The following NIPBL variants were observed in gnomAD, a reference collection of about 807,000 sequenced individuals.
NIPBL encodes NIPBL cohesin loading factor.
A neutral mutation model predicts 321.8 loss-of-function variants in NIPBL; 19 were observed. The observed-to-expected ratio is 0.06, with a 90% CI of 0.04 to 0.09. NIPBL has a LOEUF of 0.09. NIPBL is among the 10% of genes least tolerant of loss of function. NIPBL has a pLI of 1.00. For missense variants in NIPBL, 2,210 were observed against 3,327.0 expected, an observed-to-expected ratio of 0.66 and a Z score of 8.26; for synonymous variants, 1,106 against 1,114.1, an observed-to-expected ratio of 0.99 and a Z score of 0.14.
chr5:36,989,839 C>CAAAA (rs374278669), intron 10 of NIPBL, among the ~76,000 whole-genome samples: 1 of 73,448 alleles, frequency 1.4e-5, no homozygotes, highest in Non-Finnish European at 2.6e-5. Context: ...ACTCTGTCTC[C>CAAAA]AAAAAAAAAA....
At chr5:37,064,158 A>G in intron 46 of NIPBL, 180 bp downstream of exon 46, 1 of 1,424,764 alleles carries the variant, frequency 7.0e-7, no homozygotes, top group Middle Eastern at 2.6e-4. Flanking sequence ...AAAGTTTAAC[A>G]TAAAAGACAA....
intron 4 of NIPBL, among the ~76,000 whole-genome samples, chr5:36,960,937 G>T (rs980533763): frequency 1.3e-5 from 2 of 152,106 alleles, no homozygotes; most frequent in African/African-American, 4.8e-5. Context: ...GTGAAAGAAG[G>T]AATAGGTACA....
At chr5:36,877,393 C>G (rs1376659578) in intron 1 of NIPBL, among the ~76,000 whole-genome samples, 2 of 152,144 alleles carry the variant, frequency 1.3e-5, no homozygotes, top group Non-Finnish European at 2.9e-5. Context: ...GGGGACTGGG[C>G]TCCTGCTGGG....
At chr5:37,013,496 C>T (rs1271872168) in intron 21 of NIPBL, among the ~76,000 whole-genome samples, 6 of 149,558 alleles carry the variant, frequency 4.0e-5, no homozygotes, top group Admixed American at 6.6e-5. Context: ...TCAGACGGGG[C>T]GGTTGCCAGG....
chr5:36,933,462 A>G (rs1749932667), intron 1 of NIPBL, among the ~76,000 whole-genome samples: 1 of 152,136 alleles, frequency 6.6e-6, no homozygotes. Context: ...CTGATGAGAT[A>G]TAGTTCTAGA....
chr5:36,926,989 A>G (rs1749413953), intron 1 of NIPBL, among the ~76,000 whole-genome samples: 1 of 152,202 alleles, frequency 6.6e-6, no homozygotes, highest in African/African-American at 2.4e-5. Flanking sequence ...CTGAACCAAA[A>G]TGTTTATTGG....
intron 42 of NIPBL, among the ~76,000 whole-genome samples, chr5:37,055,043 G>A (rs1359668496): frequency 3.9e-5 from 6 of 152,124 alleles, no homozygotes; most frequent in African/African-American, 1.2e-4. Flanking sequence ...ATAACAGTAG[G>A]GGAGAAAAAG....
rs200029810 is a variant in NIPBL at position 36,920,346 on chromosome 5, G to C, written c.-79-33272G>C. On this transcript the variant is annotated intron_variant, in intron 1 of 46. Coordinates refer to ENST00000282516, the MANE Select transcript of NIPBL (RefSeq NM_133433.4). Reference sequence around the variant, plus strand: ...AACATAAAGTAAATAATAGTACACTGATGATATTCAGATATGGTGAAATCA... The same window carrying C: ...AACATAAAGTAAATAATAGTACACTCATGATATTCAGATATGGTGAAATCA... Among the ~76,000 whole-genome samples, 16 of 152,274 alleles carry C rather than the reference G, an allele frequency of 1.1e-4. No individual in the cohort carries two copies. In the East Asian group the frequency reaches 3.1e-3, roughly 29 times the overall value.
At chr5:37,044,510 C>G in intron 35 of NIPBL, 23 bp downstream of exon 35, 1 of 1,610,938 alleles carries the variant, frequency 6.2e-7, no homozygotes, top group Non-Finnish European at 8.5e-7. Context: ...TTTACCATTT[C>G]TTTATTCATT....
chr5:37,061,765 A>G (rs993318214), intron 45 of NIPBL, among the ~76,000 whole-genome samples: 1 of 152,218 alleles, frequency 6.6e-6, no homozygotes, highest in African/African-American at 2.4e-5. Flanking sequence ...GATTACTTAT[A>G]ATACCTAATA....
At chr5:36,997,745 A>G (rs1026446286) in intron 11 of NIPBL, among the ~76,000 whole-genome samples, 1 of 152,214 alleles carries the variant, frequency 6.6e-6, no homozygotes, top group South Asian at 2.1e-4. Flanking sequence ...GAATGGTGAA[A>G]GAAGTCCAAA....
At chr5:36,890,208 TC>T (rs1296482450) in intron 1 of NIPBL, among the ~76,000 whole-genome samples, 2 of 152,158 alleles carry the variant, frequency 1.3e-5, no homozygotes, top group African/African-American at 4.8e-5. Flanking sequence ...TTACTTTTTT[TC>T]TATATAAATA....
At chr5:36,879,036 T>A (rs543457300) in intron 1 of NIPBL, among the ~76,000 whole-genome samples, 1 of 152,150 alleles carries the variant, frequency 6.6e-6, no homozygotes, top group African/African-American at 2.4e-5. Context: ...ATACTTCACA[T>A]CTTAAGAAAG....
intron 3 of NIPBL, among the ~76,000 whole-genome samples, chr5:36,955,995 G>A (rs1348502908): frequency 6.6e-6 from 1 of 151,380 alleles, no homozygotes; most frequent in Non-Finnish European, 1.5e-5. Context: ...GCCGAGGCAG[G>A]TGGATCACGA....
intron 32 of NIPBL, among the ~76,000 whole-genome samples, chr5:37,035,086 T>C (rs1005786814): frequency 1.3e-5 from 2 of 152,164 alleles, no homozygotes; most frequent in African/African-American, 4.8e-5. Flanking sequence ...GCCCAAGAGT[T>C]TGAGACCAGC....
At chr5:37,048,348 T>G (rs574798461) in intron 38 of NIPBL, among the ~76,000 whole-genome samples, 154 bp from the exon 39 acceptor site, 1 of 152,330 alleles carries the variant, frequency 6.6e-6, no homozygotes, top group East Asian at 1.9e-4. Context: ...CTCTAATGCT[T>G]CTCTAGGTAA....
At chr5:36,886,797 A>G (rs1406636890) in intron 1 of NIPBL, among the ~76,000 whole-genome samples, 1 of 151,500 alleles carries the variant, frequency 6.6e-6, no homozygotes, top group African/African-American at 2.4e-5. Context: ...CTGCAGCCCG[A>G]GGCAACTAGA....
chr5:37,050,698 C>T (rs1753445275), intron 40 of NIPBL, among the ~76,000 whole-genome samples: 1 of 152,076 alleles, frequency 6.6e-6, no homozygotes, highest in African/African-American at 2.4e-5. Context: ...TTTCTAAGAA[C>T]AAGGACATTC....
intron 1 of NIPBL, among the ~76,000 whole-genome samples, chr5:36,896,424 A>G (rs537590995): frequency 1.2e-4 from 18 of 152,268 alleles, no homozygotes; most frequent in Admixed American, 6.5e-4. Context: ...TCATTTTCAT[A>G]TGAAGTTTAG....
Sources: allele counts gnomAD v4.1 joint callset (sites outside exome capture counted in the v4.1 genomes callset), GRCh38; gene constraint gnomAD v4.1.1; transcripts MANE v1.5; gene names NCBI Gene and HGNC (gene_info 2026-07-23, HGNC 2026-07-21).